The following AUTS2 variants were observed in gnomAD, a reference collection of about 807,000 sequenced individuals.
The protein encoded by AUTS2 is autism susceptibility gene 2 protein.
AUTS2 carries 17 observed loss-of-function variants against 112.4 expected under a neutral mutation model. The observed-to-expected ratio is 0.15, with a 90% CI of 0.10 to 0.23. The LOEUF (loss-of-function observed/expected upper bound fraction) is 0.23, where lower values mean the gene tolerates loss of function less well. Among genes scored for constraint, AUTS2 ranks in the 10% least tolerant of loss-of-function variants. The pLI, the probability that AUTS2 is intolerant of heterozygous loss-of-function variation, is 1.00. For synonymous variants in AUTS2, 751 were observed against 702.7 expected (o/e 1.07, Z -1.09); for missense variants, 1,510 against 1,701.6 (o/e 0.89, Z 1.98).
At chr7:70,579,820 A>G (rs549536241) in intron 5 of AUTS2, among the ~76,000 whole-genome samples, 19 of 152,276 alleles carry the variant, frequency 1.2e-4, no homozygotes, top group Middle Eastern at 6.8e-3. Flanking sequence ...TTTTGGACCC[A>G]TTTAGTTGGG....
chr7:70,368,347 G>A (rs995298548), intron 4 of AUTS2, among the ~76,000 whole-genome samples: 8 of 152,310 alleles, frequency 5.3e-5, no homozygotes, highest in Non-Finnish European at 1.2e-4. Flanking sequence ...GGGAAAGGAT[G>A]ATGCCTATGA....
rs770162725 is a variant in AUTS2, at chr7:70,588,745, A to G, written c.691-109824A>G. ...AATGTCACAGATAATCTTTTTATCT[A>G]TTATCCACTGGCTCTTTTCTGAGAG... On this transcript the variant is annotated intron_variant, in intron 5 of 18. Transcript: ENST00000342771. Among the ~76,000 whole-genome samples, 12 of 152,172 alleles carry G rather than the reference A, an allele frequency of 7.9e-5. No homozygotes were observed. The Middle Eastern group carries it at 0.014, about 173-fold the overall frequency.
chr7:70,072,795 T>C (rs899522171), intron 2 of AUTS2, among the ~76,000 whole-genome samples: 4 of 152,180 alleles, frequency 2.6e-5, no homozygotes, highest in African/African-American at 7.2e-5. Context: ...TAAAAAAATA[T>C]CGTGTTTGTT....
chr7:70,347,565 C>T (rs1791550896), intron 4 of AUTS2, among the ~76,000 whole-genome samples: 1 of 152,118 alleles, frequency 6.6e-6, no homozygotes, highest in African/African-American at 2.4e-5. Context: ...GACAGGAAAC[C>T]AGGAAGCAGA....
intron 4 of AUTS2, among the ~76,000 whole-genome samples, chr7:70,282,765 A>T (rs1476195954): frequency 1.3e-5 from 2 of 152,174 alleles, no homozygotes; most frequent in African/African-American, 2.4e-5. Context: ...AAGTAATGTG[A>T]AATGAACCGT....
chr7:70,001,710 A>ATTTTT (rs35638538), intron 2 of AUTS2, among the ~76,000 whole-genome samples: 3 of 132,824 alleles, frequency 2.3e-5, no homozygotes, highest in Admixed American at 7.7e-5. Flanking sequence ...TCATTGTCAT[A>ATTTTT]TTTTTTTTTT....
intron 2 of AUTS2, among the ~76,000 whole-genome samples, chr7:69,992,929 AG>A (rs1332815152): frequency 6.6e-6 from 1 of 152,214 alleles, no homozygotes; most frequent in Non-Finnish European, 1.5e-5. Context: ...TTATGGAATC[AG>A]GTTAAAAGAC....
At position 69,882,349 on chromosome 7, in the gene AUTS2, G is replaced by GA. The variant is rs1272962154; in HGVS notation, c.310-16931dup. ...AAATAATTTTTTTAAAAAGTGAAAA[G>GA]AAAAAATAGGCCAAGTAATACAGCC... On this transcript the variant is annotated intron_variant, in intron 1 of 18. Transcript: ENST00000342771. 2.0e-5 allele frequency among the ~76,000 whole-genome samples: 3 copies of GA among 151,784 alleles called. No homozygotes were observed. The East Asian group carries it at 5.8e-4, about 29-fold the overall frequency.
chr7:69,865,552 C>G (rs930086516), intron 1 of AUTS2, among the ~76,000 whole-genome samples: 2 of 152,160 alleles, frequency 1.3e-5, no homozygotes, highest in Non-Finnish European at 2.9e-5. Context: ...TCCCCTGTTG[C>G]AAAAGGACCC....
chr7:70,492,635 G>A (rs1331185604), intron 5 of AUTS2, among the ~76,000 whole-genome samples: 1 of 152,220 alleles, frequency 6.6e-6, no homozygotes, highest in African/African-American at 2.4e-5. Context: ...GCTACCTAGA[G>A]ACAAAGCGGA....
chr7:70,462,688 G>T (rs374464437), intron 5 of AUTS2, among the ~76,000 whole-genome samples: 1 of 152,110 alleles, frequency 6.6e-6, no homozygotes, highest in East Asian at 1.9e-4. Context: ...TGGGTGCAGT[G>T]GCTCACACCT....
At chr7:70,444,405 C>G (rs1796242297) in intron 5 of AUTS2, among the ~76,000 whole-genome samples, 1 of 146,954 alleles carries the variant, frequency 6.8e-6, no homozygotes, top group Non-Finnish European at 1.5e-5. Flanking sequence ...AGAGTTAATC[C>G]CCCTTGACAA....
intron 5 of AUTS2, among the ~76,000 whole-genome samples, chr7:70,696,950 A>G (rs1809146723): frequency 6.6e-6 from 1 of 152,202 alleles, no homozygotes; most frequent in Non-Finnish European, 1.5e-5. Context: ...AAGAATTCCA[A>G]CCCGTTCTAA....
chr7:69,993,768 T>TCTCC (rs1226045214), intron 2 of AUTS2, among the ~76,000 whole-genome samples: 1 of 152,138 alleles, frequency 6.6e-6, no homozygotes, highest in Non-Finnish European at 1.5e-5. Flanking sequence ...TGTCTGTCTC[T>TCTCC]CTCCCTCTCT....
At chr7:70,297,043 T>C (rs1788974056) in intron 4 of AUTS2, among the ~76,000 whole-genome samples, 1 of 147,196 alleles carries the variant, frequency 6.8e-6, no homozygotes, top group African/African-American at 2.5e-5. Context: ...AGAGACAAGG[T>C]CTCACTATGT....
intron 10 of AUTS2, 42 bp downstream of exon 10, chr7:70,768,110 T>C (rs761833343): frequency 7.1e-5 from 111 of 1,559,466 alleles, no homozygotes; most frequent in Non-Finnish European, 9.5e-5. Context: ...GTAACTGCTT[T>C]GCCATTTTTG....
At chr7:69,898,788 A>T (rs748123986) in intron 1 of AUTS2, among the ~76,000 whole-genome samples, 4 of 152,206 alleles carry the variant, frequency 2.6e-5, no homozygotes, top group Non-Finnish European at 5.9e-5. Flanking sequence ...CATTAAGGAA[A>T]CATTTTAATC....
chr7:70,512,211 C>A (rs1563006195), intron 5 of AUTS2, among the ~76,000 whole-genome samples: 1 of 152,212 alleles, frequency 6.6e-6, no homozygotes, highest in Non-Finnish European at 1.5e-5. Context: ...AAAAAGCTCA[C>A]TGGCAACTAG....
chr7:70,029,260 CTTTTTT>C (rs34751901), intron 2 of AUTS2, among the ~76,000 whole-genome samples: 5 of 124,814 alleles, frequency 4.0e-5, no homozygotes, highest in South Asian at 5.3e-4. Context: ...TCCAGGGATA[CTTTTTT>C]TTTTTTTTTT....
Sources: allele counts gnomAD v4.1 joint callset (sites outside exome capture counted in the v4.1 genomes callset), GRCh38; gene constraint gnomAD v4.1.1; transcripts MANE v1.5; gene names NCBI Gene and HGNC (gene_info 2026-07-23, HGNC 2026-07-21).